The following FAT4 variants were observed in gnomAD, a reference collection of about 807,000 sequenced individuals.
FAT4 encodes protocadherin Fat 4.
Under a neutral mutation model 303.9 loss-of-function variants are expected in FAT4, and 84 were observed. The observed-to-expected ratio is 0.28, with a 90% confidence interval of 0.23 to 0.33. The LOEUF (loss-of-function observed/expected upper bound fraction) is 0.33, where lower values mean the gene tolerates loss of function less well. Among genes scored for constraint, FAT4 ranks in the 10% least tolerant of loss-of-function variants. The probability of loss-of-function intolerance (pLI) is 1.00; values close to 1 mark genes in which losing one functional copy is unlikely to be tolerated. For synonymous variants in FAT4, 2,307 were observed against 2,298.8 expected, an observed-to-expected ratio of 1.00 and a Z score of -0.10; for missense variants, 6,005 against 6,146.8, an observed-to-expected ratio of 0.98 and a Z score of 0.77.
At chr4:125,438,711 A>C (rs1416612007) in intron 8 of FAT4, among the ~76,000 whole-genome samples, 4 of 152,208 alleles carry the variant, frequency 2.6e-5, no homozygotes, top group African/African-American at 4.8e-5. Flanking sequence ...GTAAATAGTT[A>C]TTATAACCTC....
At chr4:125,394,963 C>A (rs1455662409) in intron 2 of FAT4, among the ~76,000 whole-genome samples, 2 of 152,116 alleles carry the variant, frequency 1.3e-5, no homozygotes, top group Non-Finnish European at 2.9e-5. Flanking sequence ...GTGACTAATA[C>A]ATACTTGTTA....
intron 9 of FAT4, among the ~76,000 whole-genome samples, chr4:125,448,152 A>G (rs1241558010): frequency 6.6e-6 from 1 of 152,082 alleles, no homozygotes; most frequent in Non-Finnish European, 1.5e-5. Flanking sequence ...TCTCCTAGAA[A>G]CTATGATTTT....
intron 2 of FAT4, among the ~76,000 whole-genome samples, chr4:125,356,173 A>C (rs960930784): frequency 3.9e-5 from 6 of 152,024 alleles, no homozygotes; most frequent in African/African-American, 1.4e-4. Flanking sequence ...GTCTAACAAT[A>C]ATAGTACACC....
At chr4:125,436,590 T>C (rs1173100552) in intron 8 of FAT4, among the ~76,000 whole-genome samples, 2 of 152,116 alleles carry the variant, frequency 1.3e-5, no homozygotes, top group Non-Finnish European at 2.9e-5. Flanking sequence ...GGGTAATTTA[T>C]AAAGAAAAAG....
At chr4:125,443,504 TTTA>T (rs200225213) in intron 8 of FAT4, among the ~76,000 whole-genome samples, 5,569 of 152,260 alleles carry the variant, frequency 0.037, 352 homozygotes, top group African/African-American at 0.13. Flanking sequence ...AGATCTGCTA[TTTA>T]TAGATTGTAT....
rs749599815 is a variant in FAT4 at position 125,490,246 on chromosome 4, A to G, written c.13430A>G (p.Gln4477Arg). The change falls in exon 18 of 18, where the codon CAG (glutamine) becomes CGG (arginine). Residue 4477 changes from glutamine to arginine, a missense_variant. Physicochemically the swap from Gln to Arg is conservative, Grantham distance 43. Coordinates refer to ENST00000394329, the MANE Select transcript of FAT4 (RefSeq NM_001291303.3). ...GCCTGTCTTGGCGTCCTCTGTCCTC[A>G]GGGGAAGGTGTGCAAAGCTGGAAGT... is the stretch of plus-strand genomic sequence containing the variant. ...VVACLGVLCP[Q>R]GKVCKAGSPA... 1 of 1,614,040 alleles carries G rather than the reference A, an allele frequency of 6.2e-7. No homozygotes were observed. Among genetic ancestry groups the G allele is most frequent in the East Asian group, 2.2e-5 (1 of 44,820 alleles).
chr4:125,437,449 T>C (rs1725498944), intron 8 of FAT4, among the ~76,000 whole-genome samples: 1 of 150,572 alleles, frequency 6.6e-6, no homozygotes, highest in African/African-American at 2.5e-5. Flanking sequence ...ACAAATTTCT[T>C]TCAGTGAGCT....
Position 125,449,342 on chromosome 4 carries a change from A to C in FAT4, c.8332A>C (p.Ile2778Leu), listed in dbSNP as rs773858750. 4.3e-6 allele frequency: 7 copies of C among 1,613,930 alleles called. No homozygotes were observed. In the South Asian group the frequency reaches 7.7e-5, roughly 18 times the overall value. The change falls in exon 10 of 18, where the codon ATA becomes CTA. Residue 2778 changes from isoleucine to leucine, a missense_variant. By Grantham distance (5) the Ile-to-Leu change is conservative. Coordinates refer to ENST00000394329, the MANE Select transcript of FAT4 (RefSeq NM_001291303.3). ...ENDNAPRFSQIFSAHVPENSP... is the reference protein window; with the variant it reads ...ENDNAPRFSQLFSAHVPENSP... Reference sequence around the variant, plus strand: ...TGATAATGCCCCTAGGTTTTCTCAGATATTTAGTGCCCATGTTCCTGAAAA... The same window carrying C: ...TGATAATGCCCCTAGGTTTTCTCAGCTATTTAGTGCCCATGTTCCTGAAAA...
Position 125,448,772 on chromosome 4 carries a change from G to A in FAT4, c.7762G>A (p.Val2588Ile). Residue 2588 changes from valine to isoleucine, a missense_variant, in exon 10 of 18, where the codon GTC becomes ATC. Coordinates refer to ENST00000394329, the MANE Select transcript of FAT4 (RefSeq NM_001291303.3). The part of the protein sequence containing the change: ...FPENQPVSSL[V>I]TTITGSSLRG... ...TGAAAACCAACCAGTCAGCTCTCTT[G>A]TCACCACCATCACAGGATCCTCTTT... 6.2e-7 allele frequency: 1 copy of A among 1,612,018 alleles called. No homozygotes were observed. The highest frequency in any genetic ancestry group is 2.2e-5 in the East Asian group (1 of 44,868).
At chr4:125,405,486 A>G (rs1175126761) in intron 3 of FAT4, among the ~76,000 whole-genome samples, 1 of 150,782 alleles carries the variant, frequency 6.6e-6, no homozygotes, top group African/African-American at 2.4e-5. Context: ...ATGATTAGTG[A>G]CACTGAGTAT....
intron 2 of FAT4, among the ~76,000 whole-genome samples, chr4:125,398,130 T>C (rs1283439894): frequency 6.6e-6 from 1 of 152,156 alleles, no homozygotes. Flanking sequence ...AGCAAACAAA[T>C]AACTCTGGCT....
intron 11 of FAT4, 126 bp downstream of exon 11, chr4:125,463,793 T>C (rs1434462409): frequency 5.7e-6 from 3 of 523,058 alleles, no homozygotes; most frequent in African/African-American, 3.9e-5. Context: ...TTTATTAAAA[T>C]AAAATCTTAA....
At chr4:125,322,799 G>A (rs971963702) in intron 2 of FAT4, among the ~76,000 whole-genome samples, 1 of 151,266 alleles carries the variant, frequency 6.6e-6, no homozygotes, top group Non-Finnish European at 1.5e-5. Flanking sequence ...TCTATGGATG[G>A]GGAAGAATAT....
At chr4:125,405,363 G>C (rs1365525767) in intron 3 of FAT4, among the ~76,000 whole-genome samples, 1 of 151,924 alleles carries the variant, frequency 6.6e-6, no homozygotes, top group Non-Finnish European at 1.5e-5. Context: ...AGTGTACAAG[G>C]GTTCCAATTT....
intron 5 of FAT4, among the ~76,000 whole-genome samples, chr4:125,414,284 G>A (rs1029655283): frequency 6.6e-6 from 1 of 151,986 alleles, no homozygotes; most frequent in Non-Finnish European, 1.5e-5. Context: ...ATAATAGCAT[G>A]AGCATTTATA....
intron 2 of FAT4, among the ~76,000 whole-genome samples, chr4:125,355,668 C>T (rs1396494524): frequency 1.3e-5 from 2 of 151,970 alleles, no homozygotes; most frequent in African/African-American, 4.8e-5. Flanking sequence ...TTCACATCTT[C>T]ATCTCATTTG....
intron 12 of FAT4, among the ~76,000 whole-genome samples, chr4:125,469,033 T>C (rs1251956913): frequency 6.6e-6 from 1 of 152,186 alleles, no homozygotes; most frequent in Non-Finnish European, 1.5e-5. Context: ...GTGCGTGAAA[T>C]AATTTCATTG....
chr4:125,486,628 C>T (rs1158870392), intron 16 of FAT4, among the ~76,000 whole-genome samples: 2 of 152,114 alleles, frequency 1.3e-5, no homozygotes, highest in African/African-American at 4.8e-5. Flanking sequence ...ATACTGGAAA[C>T]TCGGTAGCTG....
At chr4:125,364,035 A>G (rs1196057743) in intron 2 of FAT4, among the ~76,000 whole-genome samples, 1 of 152,090 alleles carries the variant, frequency 6.6e-6, no homozygotes, top group African/African-American at 2.4e-5. Context: ...TGCAAAAGTG[A>G]GCAGAAACAG....
Sources: allele counts gnomAD v4.1 joint callset (sites outside exome capture counted in the v4.1 genomes callset), GRCh38; gene constraint gnomAD v4.1.1; transcripts MANE v1.5; gene names NCBI Gene and HGNC (gene_info 2026-07-23, HGNC 2026-07-21).